The following ABCA2 variants were observed in gnomAD, a reference collection of about 807,000 sequenced individuals.
ABCA2 encodes ATP binding cassette subfamily A member 2.
Under a neutral mutation model 262.8 loss-of-function variants are expected in ABCA2, and 84 were observed. The ratio of observed to expected loss-of-function variants is 0.32; its 90% CI spans 0.27 to 0.38. The LOEUF is 0.38. Among genes scored for constraint, ABCA2 ranks in the 10% least tolerant of loss-of-function variants. The probability of loss-of-function intolerance (pLI) is 1.00; values close to 1 mark genes in which losing one functional copy is unlikely to be tolerated. For synonymous variants in ABCA2, 1,696 were observed against 1,502.9 expected, an observed-to-expected ratio of 1.13 and a Z score of -2.97; for missense variants, 2,662 against 3,405.9, an observed-to-expected ratio of 0.78 and a Z score of 5.44.
chr9:137,009,808 C>A lies in ABCA2; in HGVS notation c.6591G>T (p.Thr2197=). 1 of 1,612,458 alleles carries A rather than the reference C, an allele frequency of 6.2e-7. No individual in the cohort carries two copies. The highest frequency in any genetic ancestry group is 8.5e-7 in the Non-Finnish European group (1 of 1,179,746). The stretch of plus-strand genomic sequence containing the variant: ...CTGGGTACCCAATGAGGGCGATGGC[C>A]GTGGAGAGCTTCCGCTTGTTGCCGC... ...YSGGNKRKLS[T]AIALIGYPAF... Residue 2197 remains threonine, a synonymous_variant, in exon 43 of 49, where the codon ACG becomes ACT. Coordinates refer to ENST00000341511, the MANE Select transcript of ABCA2 (RefSeq NM_001606.5).
Position 137,014,698 on chromosome 9 carries a change from C to T in ABCA2, c.3995G>A (p.Ser1332Asn). 1 of 1,606,676 alleles carries T rather than the reference C, an allele frequency of 6.2e-7. No individual in the cohort carries two copies. Among genetic ancestry groups the T allele is most frequent in the Non-Finnish European group, 8.5e-7 (1 of 1,177,810 alleles). Residue 1332 changes from serine to asparagine, a missense_variant, in exon 26 of 49, where the codon AGT (serine) becomes AAT (asparagine). Physicochemically the swap from Ser to Asn is conservative, Grantham distance 46. Around this residue, in one of 12 missense-constraint regions of ABCA2, gnomAD observed 297 missense variants for 286.5 expected, o/e 1.04. Transcript: ENST00000341511. ...TGGTCCAGGCCCCTCACCGGCCTCA[C>T]TGTTCTCCAGCGACTGATCCTCCTC... The part of the protein sequence containing the change: ...VSEEDQSLEN[S>N]EADVKESRKD...
intron 2 of ABCA2, 40 bp from the exon 3 acceptor site, chr9:137,023,880 A>G (rs1831563761): frequency 1.1e-6 from 1 of 923,578 alleles, no homozygotes; most frequent in Non-Finnish European, 1.8e-6. Context: ...GCGGGGAGGG[A>G]GGGGGATCAA....
rs754190450 is a variant in ABCA2 at position 137,022,336 on chromosome 9, C to T, written c.567+15G>A. On this transcript the variant is annotated intron_variant, in intron 6 of 48. Transcript: ENST00000341511. ...AGAAGGGAGTGGCCAGGGCTGGGAG[C>T]TGTCCCTGCCTTACCTCGGGCGGGT... is the stretch of plus-strand genomic sequence containing the variant. The T allele has an allele frequency of 5.0e-6, 8 of 1,586,852 alleles. No homozygotes were observed. In the Middle Eastern group the frequency reaches 6.8e-4, roughly 135 times the overall value.
Position 137,020,805 on chromosome 9 carries a change from TCCTCAG to T in ABCA2, c.1148_1153del (p.Ala383_Glu384del). 6.3e-7 allele frequency: 1 copy of T among 1,574,924 alleles called. No homozygotes were observed. Among genetic ancestry groups the T allele is most frequent in the Non-Finnish European group, 8.6e-7 (1 of 1,161,172 alleles). ...CAGTGCTGCAGCAGAGGGTGCGCCC[TCCTCAG>T]CGGTGGCGTTGGGGCCCATGACTGC... On this transcript the variant is annotated inframe_deletion, in exon 9 of 49. Coordinates refer to ENST00000341511, the MANE Select transcript of ABCA2 (RefSeq NM_001606.5).
Position 137,017,782 on chromosome 9 carries a change from C to T in ABCA2, c.2211+5G>A, listed in dbSNP as rs1433250200. 4 of 1,612,300 alleles carry T rather than the reference C, an allele frequency of 2.5e-6. No homozygotes were observed. The highest frequency in any genetic ancestry group is 2.5e-6 in the Non-Finnish European group (3 of 1,179,688). On this transcript the variant is annotated splice_donor_5th_base_variant and intron_variant, in intron 16 of 48. Transcript: ENST00000341511. ...CGCCTCCAGGGAGAGTCCCGGCCCGCGCACCTCCTTGAGCCGGTGCTCCTT... is the reference window on the plus strand; with the variant it reads ...CGCCTCCAGGGAGAGTCCCGGCCCGTGCACCTCCTTGAGCCGGTGCTCCTT...
chr9:137,012,882 C>A lies in ABCA2; in HGVS notation c.4911G>T (p.Glu1637Asp). 6.3e-7 allele frequency: 1 copy of A among 1,579,768 alleles called. No homozygotes were observed. ...SAPSLPRLVR[E>D]PVRCTCSAQG... ...GCGCAGAGCAGGTGCAGCGGACGGG[C>A]TCCCGTACCAGGCGCGGCAGGGAGG... Residue 1637 changes from glutamate (E) to aspartate (D), a missense_variant, in exon 31 of 49, where the codon GAG (glutamate) becomes GAT (aspartate). This residue lies in a region of ABCA2 where 192 missense variants were observed against 207.2 expected (regional missense o/e 0.93). Transcript: ENST00000341511.
rs1278106799 is a variant in ABCA2 at position 137,021,994 on chromosome 9, T to C, written c.575A>G (p.His192Arg). The change falls in exon 7 of 49, where the codon CAC (histidine) becomes CGC (arginine). Residue 192 changes from histidine to arginine, a missense_variant. By Grantham distance (29) the His-to-Arg change is conservative. Coordinates refer to ENST00000341511, the MANE Select transcript of ABCA2 (RefSeq NM_001606.5). The surrounding 1 kb of genome is among the most constrained non-coding windows in gnomAD (Gnocchi z 6.0). ...AARVDPPEVY[H>R]LLFGPSSALD... ...GGCAGATGAGGGACCAAAGAGCAGG[T>C]GGTAGACCTAGGAGGTGTGGGGGAA... The C allele has an allele frequency of 1.7e-6, 2 of 1,180,376 alleles. No homozygotes were observed. Among genetic ancestry groups the C allele is most frequent in the East Asian group, 3.5e-5 (1 of 28,382 alleles). 73.1% of individuals were successfully genotyped at this position (1,180,376 alleles called of 1,614,324 possible).
Position 137,018,984 on chromosome 9 carries a change from C to T in ABCA2, c.1641G>A (p.Ser547=). The change falls in exon 12 of 49, where the codon TCG becomes TCA. Residue 547 remains serine, a synonymous_variant. Transcript: ENST00000341511. ...GCAGGAGGGCCATGCCACTGGGCAG[C>T]GAGAAGTTGTCCTGTCTCAGGGCCG... ...LPPALRQDNF[S]LPSGMALLQQ... 1.2e-6 allele frequency: 2 copies of T among 1,612,974 alleles called. No homozygotes were observed. Among genetic ancestry groups the T allele is most frequent in the Non-Finnish European group, 1.7e-6 (2 of 1,179,890 alleles).
chr9:137,020,342 G>A lies in ABCA2; in HGVS notation c.1419C>T (p.Ile473=), dbSNP rs753898266. Residue 473 remains isoleucine, a synonymous_variant, in exon 10 of 49, where the codon ATC becomes ATT. Transcript: ENST00000341511. ...GCGTCCCAGACCCGTGCACCTTGAG[G>A]ATGACGCGGTCGACCTCAGAGCCCG... ...APAGSEVDRV[I]LKANETFAFV... The A allele has an allele frequency of 6.2e-7, 1 of 1,612,494 alleles. No individual in the cohort carries two copies. Among genetic ancestry groups the A allele is most frequent in the South Asian group, 1.1e-5 (1 of 91,084 alleles).
Position 137,022,100 on chromosome 9 carries a change from GGTGGGGGCGTGGCTCAGAGA to G in ABCA2, c.568-119_568-100del, listed in dbSNP as rs1352005542. On this transcript the variant is annotated intron_variant, in intron 6 of 48. Coordinates refer to ENST00000341511, the MANE Select transcript of ABCA2 (RefSeq NM_001606.5). ...GGACGTGTGGGGGCGTGGCTTAGATGGTGGGGGCGTGGCTCAGAGAGTGGGGGCGTGGCTCAGATGGTGGG... is the reference window on the plus strand; with the variant it reads ...GGACGTGTGGGGGCGTGGCTTAGATGGTGGGGGCGTGGCTCAGATGGTGGG... 8.9e-5 allele frequency: 63 copies of G among 711,118 alleles called. No individual in the cohort carries two copies. In the East Asian group the frequency reaches 1.0e-3, roughly 11 times the overall value. The allele number at this position is 711,118 out of a possible 1,614,324, so 44.1% of individuals were successfully genotyped here.
Position 137,018,801 on chromosome 9 carries a change from G to T in ABCA2, c.1737C>A (p.Ile579=), listed in dbSNP as rs372438067. ...IQFMSKVSVD[I]FKGFPDEESI... ...TCTCCTCGTCGGGGAAGCCCTTGAA[G>T]ATGTCCACGCTCACCTAGCGGGAGG... The change falls in exon 13 of 49, where the codon ATC becomes ATA. Residue 579 remains isoleucine, a synonymous_variant. Coordinates refer to ENST00000341511, the MANE Select transcript of ABCA2 (RefSeq NM_001606.5). 14 of 1,612,780 alleles carry T rather than the reference G, an allele frequency of 8.7e-6. No homozygotes were observed. Among genetic ancestry groups the T allele is most frequent in the Non-Finnish European group, 1.0e-5 (12 of 1,179,872 alleles).
chr9:137,020,658 G>A, intron 9 of ABCA2, 36 bp downstream of exon 9: 1 of 1,594,820 alleles, frequency 6.3e-7, no homozygotes, highest in South Asian at 1.1e-5. Flanking sequence ...GCCCCTGGCT[G>A]TCCTCCTCAC....
In ABCA2 at chr9:137,013,162, A is replaced by G. The variant is rs755076552; in HGVS notation, c.4707T>C (p.Ala1569=). ...LSSGESRLLA[A]RFFDSMCLES... ...CCAGACACATGCTGTCGAAGAACCG[A>G]GCCGCCAGCAGGCGCGACTCCCCGC... The change falls in exon 30 of 49, where the codon GCT becomes GCC. Residue 1569 remains alanine, a synonymous_variant. Coordinates refer to ENST00000341511, the MANE Select transcript of ABCA2 (RefSeq NM_001606.5). 2 of 1,600,086 alleles carry G rather than the reference A, an allele frequency of 1.2e-6. No homozygotes were observed. Among genetic ancestry groups the G allele is most frequent in the Non-Finnish European group, 1.7e-6 (2 of 1,175,356 alleles).
intron 1 of ABCA2, among the ~76,000 whole-genome samples, chr9:137,024,461 A>T (rs574108781): frequency 1.3e-5 from 2 of 152,336 alleles, no homozygotes; most frequent in East Asian, 3.9e-4. Flanking sequence ...CCCAGCCCAC[A>T]CTGGGCCTAC....
In ABCA2 at chr9:137,011,216, CGTT is replaced by C; in HGVS notation, c.5890_5892del (p.Asn1964del). The C allele has an allele frequency of 1.9e-6, 3 of 1,612,522 alleles. No individual in the cohort carries two copies. Among genetic ancestry groups the C allele is most frequent in the Non-Finnish European group, 2.5e-6 (3 of 1,179,862 alleles). On this transcript the variant is annotated inframe_deletion, in exon 38 of 49. Transcript: ENST00000341511. This position sits in a 1 kb window ranked among gnomAD's most constrained non-coding sequence, Gnocchi z 8.8. ...TTGGCGTAGTACTCGTTGATGTACT[CGTT>C]GTAGGCCATCTCCATGAGCCCGTGG... is the stretch of plus-strand genomic sequence containing the variant.
chr9:137,016,459 C>A lies in ABCA2; in HGVS notation c.2936G>T (p.Gly979Val), dbSNP rs1397257784. Residue 979 changes from glycine (G) to valine (V), a missense_variant, in exon 21 of 49, where the codon GGC (glycine) becomes GTC (valine). By Grantham distance (109) the Gly-to-Val change is moderately radical. Coordinates refer to ENST00000341511, the MANE Select transcript of ABCA2 (RefSeq NM_001606.5). The part of the protein sequence containing the change: ...MESRRFEETR[G>V]MEEEPTHLPL... ...CAGGTGGGTGGGCTCCTCCTCCATGCCACGGGTCTCCTCTGCACCAGGGCT... is the reference window on the plus strand; with the variant it reads ...CAGGTGGGTGGGCTCCTCCTCCATGACACGGGTCTCCTCTGCACCAGGGCT... 1 of 1,612,808 alleles carries A rather than the reference C, an allele frequency of 6.2e-7. No individual in the cohort carries two copies. The highest frequency in any genetic ancestry group is 8.5e-7 in the Non-Finnish European group (1 of 1,179,980).
chr9:137,022,057 TG>T, intron 6 of ABCA2, 56 bp from the exon 7 acceptor site: 3 of 146,844 alleles, frequency 2.0e-5, no homozygotes, highest in Non-Finnish European at 3.1e-5. Context: ...GCTCAGATGG[TG>T]GGGGCGTGGC....
Position 137,014,754 on chromosome 9 carries a change from C to G in ABCA2, c.3939G>C (p.Thr1313=). 6.2e-7 allele frequency: 1 copy of G among 1,600,784 alleles called. No homozygotes were observed. Among genetic ancestry groups the G allele is most frequent in the Non-Finnish European group, 8.5e-7 (1 of 1,174,950 alleles). Residue 1313 remains threonine, a synonymous_variant, in exon 26 of 49, where the codon ACG becomes ACC. Coordinates refer to ENST00000341511, the MANE Select transcript of ABCA2 (RefSeq NM_001606.5). Reference sequence around the variant, plus strand: ...CCTTGAGGAACACTTCCTCCAGGGTCGTGTCCATCAGCCCGAAGCTGCTGA... The same window carrying G: ...CCTTGAGGAACACTTCCTCCAGGGTGGTGTCCATCAGCCCGAAGCTGCTGA... ...LHLSSFGLMD[T]TLEEVFLKVS...
rs1479080561 is a variant in ABCA2, at chr9:137,012,343, G to A, written c.5221C>T (p.Pro1741Ser). Residue 1741 changes from proline (P) to serine (S), a missense_variant, in exon 33 of 49, where the codon CCC becomes TCC. This residue lies in a region of ABCA2 where 602 missense variants were observed against 897.4 expected (regional missense o/e 0.67). Transcript: ENST00000341511. ...FYNNKGYHSMPTYLNSLNNAI... is the reference protein window; with the variant it reads ...FYNNKGYHSMSTYLNSLNNAI... ...TTGTTGAGGCTGTTGAGGTAGGTGG[G>A]CATGCTGTGATAGCCCTTGTTGTTG... 2 of 1,612,238 alleles carry A rather than the reference G, an allele frequency of 1.2e-6. No homozygotes were observed. Among genetic ancestry groups the A allele is most frequent in the East Asian group, 2.2e-5 (1 of 44,878 alleles).
Sources: allele counts gnomAD v4.1 joint callset (sites outside exome capture counted in the v4.1 genomes callset), GRCh38; gene constraint gnomAD v4.1.1; regional missense constraint gnomAD v4.1.1; non-coding constraint Gnocchi (gnomAD v3.1); transcripts MANE v1.5; gene names NCBI Gene and HGNC (gene_info 2026-07-23, HGNC 2026-07-21).